TBC1D16: variants seen among roughly 807,000 people sequenced by gnomAD.
TBC1D16 encodes the protein CTD-2529O21.1.
In TBC1D16, 58 loss-of-function variants were observed where a neutral mutation model predicts 74.7. The ratio of observed to expected loss-of-function variants is 0.78; its 90% CI spans 0.63 to 0.97. The LOEUF is 0.97. Ranked by LOEUF, TBC1D16 falls within the 50% of genes least tolerant of loss-of-function variation. The pLI, the probability that TBC1D16 is intolerant of heterozygous loss-of-function variation, is 0.00. For synonymous variants in TBC1D16, 493 were observed against 474.7 expected (o/e 1.04, Z -0.50); for missense variants, 1,014 against 1,079.5 (o/e 0.94, Z 0.85).
In TBC1D16 at chr17:79,983,468, G is replaced by C. The variant is rs754034330; in HGVS notation, c.779+26692C>G. 6.6e-6 allele frequency among the ~76,000 whole-genome samples: 1 copy of C among 152,210 alleles called. No individual in the cohort carries two copies. The highest frequency in any genetic ancestry group is 1.5e-5 in the Non-Finnish European group (1 of 68,032). On this transcript the variant is annotated intron_variant, in intron 3 of 11. Transcript: ENST00000310924. The surrounding 1 kb of genome is among the most constrained non-coding windows in gnomAD (Gnocchi z 5.6). ...ACCACATGGTCATCAACAGGAGTGT[G>C]GACAACCTGGGGAACAGCCATGGAG...
rs1002635781 is a variant in TBC1D16 at position 79,985,205 on chromosome 17, A to G, written c.779+24955T>C. Among the ~76,000 whole-genome samples, 11 of 151,842 alleles carry G rather than the reference A, an allele frequency of 7.2e-5. No homozygotes were observed. Among genetic ancestry groups the G allele is most frequent in the African/African-American group, 2.7e-4 (11 of 41,312 alleles). On this transcript the variant is annotated intron_variant, in intron 3 of 11. Coordinates refer to ENST00000310924, the MANE Select transcript of TBC1D16 (RefSeq NM_019020.4). The surrounding 1 kb of genome is among the most constrained non-coding windows in gnomAD (Gnocchi z 4.9). ...CAGCATCACTCCCATCTCTGCCTCC[A>G]TCTCCCTGCCCCTCCTGTGTCTGTG...
intron 3 of TBC1D16, 128 bp from the exon 4 acceptor site, chr17:79,952,946 G>T: frequency 9.6e-7 from 1 of 1,042,606 alleles, no homozygotes; most frequent in Non-Finnish European, 1.4e-6. Flanking sequence ...AGGCACGGCT[G>T]AATATGCCCT....
In TBC1D16 at chr17:80,013,428, G is replaced by A. The variant is rs199880893; in HGVS notation, c.120C>T (p.Ser40=). 1.9e-6 allele frequency: 3 copies of A among 1,607,642 alleles called. No individual in the cohort carries two copies. The highest frequency in any genetic ancestry group is 2.2e-5 in the East Asian group (1 of 44,718). Residue 40 remains serine, a synonymous_variant, in exon 2 of 12, where the codon TCC becomes TCT. Transcript: ENST00000310924. ...GCGGGTGCACGCAGACATTGTTCTT[G>A]GAGTAGATGATCTCTCCATCCAGGA... The part of the protein sequence containing the change: ...PSVLDGEIIY[S]KNNVCVHPPE...
At chr17:80,019,283 G>A (rs191452280) in intron 1 of TBC1D16, among the ~76,000 whole-genome samples, 16 of 149,926 alleles carry the variant, frequency 1.1e-4, no homozygotes, top group Admixed American at 1.1e-3. Flanking sequence ...GTGGCTCTGC[G>A]AGGTGCGTCC....
intron 1 of TBC1D16, among the ~76,000 whole-genome samples, chr17:80,016,859 AG>A (rs1415000862): frequency 2.0e-5 from 3 of 152,194 alleles, no homozygotes; most frequent in African/African-American, 7.2e-5. Flanking sequence ...TGTTCCAGCC[AG>A]CCCAGGAGTG....
In TBC1D16 at chr17:79,933,405, G is replaced by A. The variant is rs1358315216; in HGVS notation, c.*7454C>T. ...GACCTCCCGGGATTCCTTGAGTTTG[G>A]ACAAAGGGTGTCCCGACGACGATAA... On this transcript the variant is annotated 3_prime_UTR_variant, in exon 12 of 12. Transcript: ENST00000310924. 6.6e-6 allele frequency: 1 copy of A among 152,200 alleles called. No homozygotes were observed. The highest frequency in any genetic ancestry group is 1.5e-5 in the Non-Finnish European group (1 of 68,050). The allele number at this position is 152,200 out of a possible 1,614,324, so 9.4% of individuals were successfully genotyped here.
rs1014615776 is a variant in TBC1D16 at position 79,972,846 on chromosome 17, G to A, written c.780-20028C>T. On this transcript the variant is annotated intron_variant, in intron 3 of 11. Coordinates refer to ENST00000310924, the MANE Select transcript of TBC1D16 (RefSeq NM_019020.4). ...TGTAATTCTAGTACTTTGGAAGGCC[G>A]AGGCAGGAGTGGATCGCCTGAGCTT... Among the ~76,000 whole-genome samples the A allele has an allele frequency of 2.6e-5, 4 of 152,222 alleles. No homozygotes were observed. In the East Asian group the frequency reaches 5.8e-4, roughly 22 times the overall value.
Position 79,950,403 on chromosome 17 carries a change from G to T in TBC1D16, c.1257+8C>A. On this transcript the variant is annotated splice_region_variant and intron_variant, in intron 6 of 11. Transcript: ENST00000310924. The surrounding 1 kb of genome is among the most constrained non-coding windows in gnomAD (Gnocchi z 4.6). ...CCGCGGGGCCAGCTGGGCGGACCCG[G>T]ACCTCACCTTCCGCAGCTTGTACTC... 6.2e-7 allele frequency: 1 copy of T among 1,603,408 alleles called. No individual in the cohort carries two copies. Among genetic ancestry groups the T allele is most frequent in the South Asian group, 1.1e-5 (1 of 90,258 alleles).
chr17:80,005,977 C>A (rs975625532), intron 3 of TBC1D16, among the ~76,000 whole-genome samples: 2 of 152,118 alleles, frequency 1.3e-5, no homozygotes, highest in African/African-American at 4.8e-5. Flanking sequence ...TTCTTCAGAT[C>A]CACCACTAGA....
At chr17:80,006,222 T>TTCTTTCTCTCTCTCTCTCTCTC (rs1568629550) in intron 3 of TBC1D16, among the ~76,000 whole-genome samples, 32 of 145,064 alleles carry the variant, frequency 2.2e-4, no homozygotes. Context: ...CTTTCTCTCT[T>TTCTTTCTCTCTCTCTCTCTCTC]TCTTTCTCTC....
intron 1 of TBC1D16, among the ~76,000 whole-genome samples, chr17:80,031,957 C>A (rs1372954046): frequency 6.6e-6 from 1 of 152,212 alleles, no homozygotes; most frequent in Non-Finnish European, 1.5e-5. Context: ...ATTAACAACA[C>A]CCAAAAGCAA....
intron 1 of TBC1D16, among the ~76,000 whole-genome samples, chr17:80,028,321 G>C (rs72848459): frequency 6.6e-6 from 1 of 151,872 alleles, no homozygotes; most frequent in Non-Finnish European, 1.5e-5. Flanking sequence ...ACCTGAAGTC[G>C]GGAGTTCATG....
Position 79,971,516 on chromosome 17 carries a change from C to T in TBC1D16, c.780-18698G>A, listed in dbSNP as rs1447028796. On this transcript the variant is annotated intron_variant, in intron 3 of 11. Coordinates refer to ENST00000310924, the MANE Select transcript of TBC1D16 (RefSeq NM_019020.4). The surrounding 1 kb of genome is among the most constrained non-coding windows in gnomAD (Gnocchi z 4.6). ...GTTGAGTGACTCTTCTTCCAAAGTTCGTTCTGCAGGTTTACACACACTTGA... is the reference window on the plus strand; with the variant it reads ...GTTGAGTGACTCTTCTTCCAAAGTTTGTTCTGCAGGTTTACACACACTTGA... 6.6e-6 allele frequency among the ~76,000 whole-genome samples: 1 copy of T among 152,162 alleles called. No homozygotes were observed. Among genetic ancestry groups the T allele is most frequent in the African/African-American group, 2.4e-5 (1 of 41,440 alleles).
chr17:79,982,193 C>T (rs545311184), intron 3 of TBC1D16, among the ~76,000 whole-genome samples: 10 of 150,622 alleles, frequency 6.6e-5, no homozygotes, highest in African/African-American at 2.4e-4. Flanking sequence ...ATCACCCAGG[C>T]TGGAGTGCAG....
rs2035744966 is a variant in TBC1D16 at position 80,008,073 on chromosome 17, G to C, written c.779+2087C>G. Among the ~76,000 whole-genome samples the C allele has an allele frequency of 6.6e-6, 1 of 151,558 alleles. No homozygotes were observed. ...CATTGCCATACACCCCCTGGGCACA[G>C]ACTCGGCCCCGGGTGAGAATCACTG... On this transcript the variant is annotated intron_variant, in intron 3 of 11. Transcript: ENST00000310924. This position sits in a 1 kb window ranked among gnomAD's most constrained non-coding sequence, Gnocchi z 4.5.
In TBC1D16 at chr17:80,007,587, C is replaced by A. The variant is rs940954314; in HGVS notation, c.779+2573G>T. Among the ~76,000 whole-genome samples, 7 of 152,128 alleles carry A rather than the reference C, an allele frequency of 4.6e-5. No homozygotes were observed. Among genetic ancestry groups the A allele is most frequent in the Non-Finnish European group, 1.0e-4 (7 of 68,022 alleles). The stretch of plus-strand genomic sequence containing the variant: ...GCAGAGAAGGGGGCCATGGGGAGGG[C>A]CCTCCTCAGCCCAGGGTTCGGGGGA... On this transcript the variant is annotated intron_variant, in intron 3 of 11. Transcript: ENST00000310924. The surrounding 1 kb of genome is among the most constrained non-coding windows in gnomAD (Gnocchi z 4.5).
intron 3 of TBC1D16, among the ~76,000 whole-genome samples, chr17:79,965,523 G>T (rs1257204371): frequency 6.6e-6 from 1 of 152,162 alleles, no homozygotes; most frequent in African/African-American, 2.4e-5. Context: ...TGTGTGCCAG[G>T]AGCTCTCCTA....
rs533557477 is a variant in TBC1D16, at chr17:80,000,873, G to T, written c.779+9287C>A. Among the ~76,000 whole-genome samples, 2 of 152,188 alleles carry T rather than the reference G, an allele frequency of 1.3e-5. No homozygotes were observed. Among genetic ancestry groups the T allele is most frequent in the South Asian group, 2.1e-4 (1 of 4,830 alleles). On this transcript the variant is annotated intron_variant, in intron 3 of 11. Transcript: ENST00000310924. This position sits in a 1 kb window ranked among gnomAD's most constrained non-coding sequence, Gnocchi z 4.1. The stretch of plus-strand genomic sequence containing the variant: ...GGTCTCTGACCAAAGCTCACTTACA[G>T]GCCTCACCCAACCAAGCCCGCCAGC...
rs2035178042 is a variant in TBC1D16 at position 79,994,074 on chromosome 17, G to A, written c.779+16086C>T. Among the ~76,000 whole-genome samples the A allele has an allele frequency of 2.0e-5, 3 of 152,124 alleles. No individual in the cohort carries two copies. Among genetic ancestry groups the A allele is most frequent in the East Asian group, 3.9e-4 (2 of 5,194 alleles). On this transcript the variant is annotated intron_variant, in intron 3 of 11. Coordinates refer to ENST00000310924, the MANE Select transcript of TBC1D16 (RefSeq NM_019020.4). The surrounding 1 kb of genome is among the most constrained non-coding windows in gnomAD (Gnocchi z 4.6). ...CTGAACTTCCTTCTTTTTGGTTCAG[G>A]AGGTTTGAGGCACTTATTTCCTCCC...
Sources: gnomAD v4.1 joint callset for allele counts (sites outside exome capture counted in the v4.1 genomes callset) on GRCh38, gnomAD v4.1.1 for gene constraint, Gnocchi (gnomAD v3.1) non-coding constraint, MANE v1.5 for transcripts, NCBI Gene and HGNC (gene_info 2026-07-23, HGNC 2026-07-21) for gene names.